Variants in NEGR1 observed in about 807,000 individuals in gnomAD.
The protein encoded by NEGR1 is IgLON family member 4.
In NEGR1, 10 loss-of-function variants were observed where a neutral mutation model predicts 40.9. That is an observed-to-expected ratio of 0.24 (90% CI 0.15 to 0.42). NEGR1 has a LOEUF of 0.42. NEGR1 is among the 10% of genes least tolerant of loss of function. NEGR1 has a pLI of 1.00. For missense variants in NEGR1, 352 were observed against 438.9 expected (o/e 0.80, Z 1.77); for synonymous variants, 185 against 166.8 (o/e 1.11, Z -0.84).
chr1:71,810,335 G>A (rs1430738001), intron 2 of NEGR1, among the ~76,000 whole-genome samples: 1 of 152,078 alleles, frequency 6.6e-6, no homozygotes, highest in East Asian at 1.9e-4. Flanking sequence ...GAATGGAATT[G>A]ACAGTATGGT....
chr1:71,749,256 A>G (rs1353084499), intron 3 of NEGR1, among the ~76,000 whole-genome samples: 1 of 152,204 alleles, frequency 6.6e-6, no homozygotes, highest in Non-Finnish European at 1.5e-5. Flanking sequence ...TAGTTAGTGT[A>G]ATCTTGAATA....
intron 1 of NEGR1, among the ~76,000 whole-genome samples, chr1:72,025,409 T>C (rs940405789): frequency 1.3e-5 from 2 of 152,194 alleles, no homozygotes; most frequent in Non-Finnish European, 2.9e-5. Context: ...TTTTAAGTAC[T>C]TCAGTACTAA....
At chr1:71,473,686 T>C (rs1646798375) in intron 6 of NEGR1, among the ~76,000 whole-genome samples, 1 of 152,120 alleles carries the variant, frequency 6.6e-6, no homozygotes, top group African/African-American at 2.4e-5. Context: ...TTATTTTCAA[T>C]GAACCTGGAC....
At chr1:71,609,096 AG>A (rs1444940442) in intron 5 of NEGR1, among the ~76,000 whole-genome samples, 1 of 152,206 alleles carries the variant, frequency 6.6e-6, no homozygotes, top group African/African-American at 2.4e-5. Context: ...AGCTATAAAA[AG>A]GCAAATTCAG....
intron 6 of NEGR1, among the ~76,000 whole-genome samples, chr1:71,485,935 A>C (rs1557542554): frequency 6.6e-6 from 1 of 151,610 alleles, no homozygotes; most frequent in African/African-American, 2.4e-5. Context: ...TAATTTTTCA[A>C]CTCCTTAAGG....
chr1:72,280,365 C>T (rs565923139), intron 1 of NEGR1, among the ~76,000 whole-genome samples: 1 of 152,242 alleles, frequency 6.6e-6, no homozygotes, highest in Admixed American at 6.5e-5. Context: ...TCTCCTAAAC[C>T]CTTTAGGGTG....
At chr1:72,271,582 T>C (rs1007999532) in intron 1 of NEGR1, among the ~76,000 whole-genome samples, 3 of 151,856 alleles carry the variant, frequency 2.0e-5, no homozygotes, top group African/African-American at 4.8e-5. Context: ...CTAAAATAAA[T>C]ATAGACTAGT....
intron 1 of NEGR1, among the ~76,000 whole-genome samples, chr1:72,245,006 C>A (rs1042435788): frequency 5.9e-5 from 9 of 151,840 alleles, no homozygotes; most frequent in African/African-American, 2.2e-4. Context: ...CTAGTTAGAC[C>A]GTAAAGAGCA....
At chr1:72,267,831 T>C (rs939781720) in intron 1 of NEGR1, among the ~76,000 whole-genome samples, 1 of 151,120 alleles carries the variant, frequency 6.6e-6, no homozygotes, top group Non-Finnish European at 1.5e-5. Flanking sequence ...CACATAATGA[T>C]GGTAAGAAGA....
chr1:72,126,288 T>C (rs1245260571), intron 1 of NEGR1, among the ~76,000 whole-genome samples: 2 of 152,086 alleles, frequency 1.3e-5, no homozygotes, highest in Non-Finnish European at 2.9e-5. Context: ...TAAACTACAA[T>C]TACAAAACAA....
intron 1 of NEGR1, among the ~76,000 whole-genome samples, chr1:72,203,187 C>T (rs1017283664): frequency 6.6e-6 from 1 of 152,074 alleles, no homozygotes; most frequent in Non-Finnish European, 1.5e-5. Flanking sequence ...AGTGATTCCA[C>T]TGATGGATCT....
intron 2 of NEGR1, among the ~76,000 whole-genome samples, chr1:71,802,250 T>A (rs1657589295): frequency 6.6e-6 from 1 of 152,116 alleles, no homozygotes; most frequent in African/African-American, 2.4e-5. Context: ...TAGAGAATTA[T>A]CAGTTTATAC....
At position 71,396,539 on chromosome 1, in the gene NEGR1, A is replaced by G. The variant is rs1204405734; in HGVS notation, c.*10907T>C. 1 of 152,212 alleles carries G rather than the reference A, an allele frequency of 6.6e-6. No homozygotes were observed. The highest frequency in any genetic ancestry group is 2.4e-5 in the African/African-American group (1 of 41,452). 9.4% of individuals were successfully genotyped at this position (152,212 alleles called of 1,614,324 possible). On this transcript the variant is annotated 3_prime_UTR_variant, in exon 7 of 7. Transcript: ENST00000357731. The stretch of plus-strand genomic sequence containing the variant: ...CTTGAGAATGTGCCTCAACATAAAA[A>G]TCAAAACCATTTGATATTGTTTGGC...
chr1:71,419,750 T>G (rs1483206218), intron 6 of NEGR1, among the ~76,000 whole-genome samples: 1 of 152,056 alleles, frequency 6.6e-6, no homozygotes, highest in African/African-American at 2.4e-5. Flanking sequence ...TCTGCAACCT[T>G]GAAATGTTCT....
chr1:71,803,757 T>G (rs577382632), intron 2 of NEGR1, among the ~76,000 whole-genome samples: 2 of 152,200 alleles, frequency 1.3e-5, no homozygotes, highest in Non-Finnish European at 2.9e-5. Context: ...ACATACCACC[T>G]TCTGACGTAT....
At chr1:71,997,418 C>T (rs992587432) in intron 1 of NEGR1, among the ~76,000 whole-genome samples, 6 of 151,992 alleles carry the variant, frequency 3.9e-5, no homozygotes, top group African/African-American at 9.7e-5. Flanking sequence ...TTCCCCAAAA[C>T]GTCCAAGTAC....
At chr1:72,122,630 A>G (rs999984730) in intron 1 of NEGR1, among the ~76,000 whole-genome samples, 5 of 151,940 alleles carry the variant, frequency 3.3e-5, no homozygotes, top group African/African-American at 1.2e-4. Flanking sequence ...AGCAGTTCTT[A>G]GGGATTGCAC....
At chr1:71,608,480 C>T (rs750789944) in intron 5 of NEGR1, among the ~76,000 whole-genome samples, 10 of 137,552 alleles carry the variant, frequency 7.3e-5, no homozygotes, top group Non-Finnish European at 1.2e-4. Context: ...GAAAGTGGAC[C>T]GAGGATTACT....
Position 71,718,059 on chromosome 1 carries a change from G to A in NEGR1, c.536-19920C>T, listed in dbSNP as rs1570253756. Among the ~76,000 whole-genome samples the A allele has an allele frequency of 3.3e-5, 5 of 152,154 alleles. No individual in the cohort carries two copies. In the South Asian group the frequency reaches 1.0e-3, roughly 32 times the overall value. On this transcript the variant is annotated intron_variant, in intron 3 of 6. Transcript: ENST00000357731. Reference sequence around the variant, plus strand: ...CCATCTGTGATACTCTGTTTTGGTAGGCCTACCAAATCTATACAAATGTCA... The same window carrying A: ...CCATCTGTGATACTCTGTTTTGGTAAGCCTACCAAATCTATACAAATGTCA...
Sources: allele counts gnomAD v4.1 joint callset (sites outside exome capture counted in the v4.1 genomes callset), GRCh38; gene constraint gnomAD v4.1.1; transcripts MANE v1.5; gene names NCBI Gene and HGNC (gene_info 2026-07-23, HGNC 2026-07-21).